The following PCDHA1 variants were observed in gnomAD, a reference collection of about 807,000 sequenced individuals.
PCDHA1 encodes protocadherin alpha-1.
PCDHA1 carries 42 observed loss-of-function variants against 61.3 expected under a neutral mutation model. That is an observed-to-expected ratio of 0.69 (90% confidence interval 0.54 to 0.89). The LOEUF (loss-of-function observed/expected upper bound fraction) is 0.89. Among genes scored for constraint, PCDHA1 ranks in the 40% least tolerant of loss-of-function variants. The pLI is 0.00. For missense variants in PCDHA1, 1,256 were observed against 1,235.3 expected (o/e 1.02, Z -0.25); for synonymous variants, 610 against 553.8 (o/e 1.10, Z -1.43).
chr5:140,823,376 T>C (rs2150125148), intron 1 of PCDHA1: 16 of 1,612,654 alleles, frequency 9.9e-6, no homozygotes, highest in Non-Finnish European at 1.4e-5. Context: ...CAGTTCCAGG[T>C]GAGCGCGCGC....
At chr5:140,836,150 T>A (rs2150254160) in intron 1 of PCDHA1, 1 of 1,613,680 alleles carries the variant, frequency 6.2e-7, no homozygotes, top group Non-Finnish European at 8.5e-7. Context: ...GCGCGGGCCA[T>A]GTGGTGGCGA....
intron 1 of PCDHA1, among the ~76,000 whole-genome samples, chr5:140,952,279 T>C (rs1222400527): frequency 6.7e-6 from 1 of 149,858 alleles, no homozygotes; most frequent in Non-Finnish European, 1.5e-5. Flanking sequence ...TTGAGGGTGG[T>C]GGCCCTCTTC....
intron 1 of PCDHA1, among the ~76,000 whole-genome samples, chr5:140,917,038 C>T (rs1342700377): frequency 6.6e-6 from 1 of 152,168 alleles, no homozygotes; most frequent in African/African-American, 2.4e-5. Context: ...CTGAGTCCAG[C>T]ACAGTGTTGT....
At chr5:140,947,998 T>C (rs2094201986) in intron 1 of PCDHA1, among the ~76,000 whole-genome samples, 1 of 122,112 alleles carries the variant, frequency 8.2e-6, no homozygotes, top group Admixed American at 8.2e-5. Flanking sequence ...AAATACTTTA[T>C]TAAATTTAGG....
intron 1 of PCDHA1, among the ~76,000 whole-genome samples, chr5:140,874,018 G>T (rs1033387450): frequency 1.3e-5 from 2 of 152,114 alleles, no homozygotes; most frequent in Admixed American, 1.3e-4. Context: ...TTTTGAAAAT[G>T]AAAAATAGGA....
intron 1 of PCDHA1, chr5:140,804,594 C>T (rs1310152984): frequency 1.3e-5 from 2 of 152,256 alleles, no homozygotes; most frequent in African/African-American, 4.8e-5. Flanking sequence ...TTTGATAAGC[C>T]AATGTTATAA....
chr5:140,868,262 C>T (rs904607540), intron 1 of PCDHA1: 10 of 151,822 alleles, frequency 6.6e-5, no homozygotes, highest in African/African-American at 2.4e-4. Flanking sequence ...TTTGTGGATT[C>T]TTTTTTAAAA....
intron 1 of PCDHA1, among the ~76,000 whole-genome samples, chr5:140,826,566 GT>G (rs1768969925): frequency 6.6e-6 from 1 of 152,130 alleles, no homozygotes; most frequent in Non-Finnish European, 1.5e-5. Flanking sequence ...TGAAGGAGGG[GT>G]TTAATCACTT....
chr5:140,934,511 T>G (rs999288213), intron 1 of PCDHA1, among the ~76,000 whole-genome samples: 1 of 152,210 alleles, frequency 6.6e-6, no homozygotes. Context: ...AAAGGGTCCA[T>G]AGACCACACT....
At chr5:140,821,842 T>C (rs2150111141) in intron 1 of PCDHA1, 2 of 1,614,060 alleles carry the variant, frequency 1.2e-6, no homozygotes, top group African/African-American at 1.3e-5. Context: ...CCTTGCCTAC[T>C]GGAAGGCAGG....
At chr5:140,878,103 G>GA (rs748975221) in intron 1 of PCDHA1, 34 of 261,730 alleles carry the variant, frequency 1.3e-4, no homozygotes, top group Non-Finnish European at 2.0e-4. Context: ...GATGAACCTT[G>GA]AAAAAAACAG....
intron 1 of PCDHA1, chr5:140,828,480 C>A (rs2150155804): frequency 6.2e-7 from 1 of 1,614,198 alleles, no homozygotes; most frequent in African/African-American, 1.3e-5. Context: ...AACGACAACC[C>A]GCCCTTGTTC....
intron 1 of PCDHA1, chr5:140,967,329 G>A: frequency 6.2e-7 from 1 of 1,608,212 alleles, no homozygotes; most frequent in Non-Finnish European, 8.5e-7. Flanking sequence ...TACGAGCTCA[G>A]CCCCAGCGAG....
At chr5:140,862,414 C>T in intron 1 of PCDHA1, 2 of 351,200 alleles carry the variant, frequency 5.7e-6, no homozygotes, top group South Asian at 2.2e-5. Flanking sequence ...CTTCAAAAGG[C>T]GCTGCCCAGA....
chr5:140,834,296 A>T, intron 1 of PCDHA1: 2 of 1,241,708 alleles, frequency 1.6e-6, no homozygotes, highest in South Asian at 1.5e-5. Flanking sequence ...CAATGGCCAC[A>T]CATCGAGATT....
At chr5:140,839,269 T>TA (rs1554137370) in intron 1 of PCDHA1, among the ~76,000 whole-genome samples, 3 of 152,098 alleles carry the variant, frequency 2.0e-5, no homozygotes, top group African/African-American at 7.2e-5. Flanking sequence ...CATGTATATT[T>TA]AAAACCTTCC....
At chr5:140,997,206 T>A (rs2097763489) in intron 3 of PCDHA1, among the ~76,000 whole-genome samples, 1 of 152,118 alleles carries the variant, frequency 6.6e-6, no homozygotes, top group Non-Finnish European at 1.5e-5. Context: ...ATTGACATCA[T>A]TATTGAAACT....
At chr5:140,809,025 CG>C in intron 1 of PCDHA1, 1 of 1,613,630 alleles carries the variant, frequency 6.2e-7, no homozygotes, top group Non-Finnish European at 8.5e-7. Context: ...GAGCTGCAGC[CG>C]GGGACTGGTG....
chr5:140,873,657 C>T (rs1270824058), intron 1 of PCDHA1, among the ~76,000 whole-genome samples: 1 of 152,206 alleles, frequency 6.6e-6, no homozygotes, highest in Non-Finnish European at 1.5e-5. Flanking sequence ...ACATAACACA[C>T]TATTATTATT....
Sources: gnomAD v4.1 joint callset for allele counts (sites outside exome capture counted in the v4.1 genomes callset) on GRCh38, gnomAD v4.1.1 for gene constraint, MANE v1.5 for transcripts, NCBI Gene and HGNC (gene_info 2026-07-23, HGNC 2026-07-21) for gene names.